The following GRID2 variants were observed in gnomAD, a reference collection of about 807,000 sequenced individuals.
GRID2 encodes the protein glutamate receptor ionotropic, delta-2.
GRID2 carries 33 observed loss-of-function variants against 114.8 expected under a neutral mutation model. The observed-to-expected ratio is 0.29, with a 90% CI of 0.22 to 0.38. The LOEUF (loss-of-function observed/expected upper bound fraction) is 0.38, where lower values mean the gene tolerates loss of function less well. Among genes scored for constraint, GRID2 ranks in the 10% least tolerant of loss-of-function variants. The pLI, the probability that GRID2 is intolerant of heterozygous loss-of-function variation, is 1.00. For synonymous variants in GRID2, 505 were observed against 449.9 expected, an observed-to-expected ratio of 1.12 and a Z score of -1.55; for missense variants, 1,184 against 1,257.7, an observed-to-expected ratio of 0.94 and a Z score of 0.89.
chr4:93,120,810 G>A (rs915128558), intron 4 of GRID2, among the ~76,000 whole-genome samples: 3 of 152,018 alleles, frequency 2.0e-5, no homozygotes, highest in African/African-American at 7.2e-5. Flanking sequence ...AAAATTAGCC[G>A]GGCATGGTGG....
chr4:93,462,545 A>G (rs972413640), intron 11 of GRID2, among the ~76,000 whole-genome samples: 6 of 152,210 alleles, frequency 3.9e-5, no homozygotes, highest in African/African-American at 1.4e-4. Context: ...GGAAGAAAAT[A>G]AAGAGTTCTT....
intron 11 of GRID2, among the ~76,000 whole-genome samples, chr4:93,457,927 G>A (rs1033151625): frequency 1.3e-4 from 20 of 150,918 alleles, no homozygotes; most frequent in African/African-American, 4.4e-4. Flanking sequence ...TTAGTGGTTT[G>A]ATATATTTGT....
chr4:92,964,217 T>A (rs1314268485), intron 2 of GRID2, among the ~76,000 whole-genome samples: 1 of 151,914 alleles, frequency 6.6e-6, no homozygotes, highest in African/African-American at 2.4e-5. Context: ...AACAAGAGAG[T>A]CAGTCTGTCC....
chr4:92,758,451 T>C (rs939198612), intron 2 of GRID2, among the ~76,000 whole-genome samples: 1 of 152,128 alleles, frequency 6.6e-6, no homozygotes, highest in Admixed American at 6.5e-5. Context: ...TGGGTCCTCA[T>C]AGTCTAGTGA....
intron 14 of GRID2, among the ~76,000 whole-genome samples, chr4:93,749,509 C>T (rs1732129891): frequency 6.6e-6 from 1 of 152,136 alleles, no homozygotes; most frequent in Non-Finnish European, 1.5e-5. Flanking sequence ...CAAACATATA[C>T]AGGAGGGAGA....
chr4:93,728,226 C>G (rs1210544746), intron 14 of GRID2, among the ~76,000 whole-genome samples: 1 of 151,976 alleles, frequency 6.6e-6, no homozygotes, highest in African/African-American at 2.4e-5. Flanking sequence ...TTTATTTCTG[C>G]CTTCGTTTCA....
At chr4:92,624,697 A>C (rs1180187009) in intron 2 of GRID2, among the ~76,000 whole-genome samples, 1 of 151,774 alleles carries the variant, frequency 6.6e-6, no homozygotes, top group Admixed American at 6.6e-5. Context: ...TCTTCAACCA[A>C]AGGAAAAAAA....
intron 2 of GRID2, among the ~76,000 whole-genome samples, chr4:93,076,150 A>G (rs1729273931): frequency 1.3e-5 from 2 of 151,962 alleles, no homozygotes; most frequent in South Asian, 2.1e-4. Flanking sequence ...AGCCTGCCTC[A>G]GCCTCCCAAA....
At chr4:92,360,766 A>G (rs1273044613) in intron 1 of GRID2, among the ~76,000 whole-genome samples, 2 of 151,698 alleles carry the variant, frequency 1.3e-5, no homozygotes, top group Non-Finnish European at 2.9e-5. Context: ...CTAGGGAATC[A>G]TCAGGTCTTT....
intron 2 of GRID2, among the ~76,000 whole-genome samples, chr4:93,006,909 C>T (rs1721596292): frequency 6.6e-6 from 1 of 150,792 alleles, no homozygotes. Flanking sequence ...AAACAGCAAC[C>T]AAGAAACAAC....
chr4:92,874,772 A>G (rs1745505676), intron 2 of GRID2, among the ~76,000 whole-genome samples: 1 of 152,236 alleles, frequency 6.6e-6, no homozygotes, highest in South Asian at 2.1e-4. Context: ...TAAAAAATCT[A>G]ATTAAAATTG....
intron 14 of GRID2, among the ~76,000 whole-genome samples, chr4:93,749,827 GT>G (rs1365530939): frequency 6.6e-6 from 1 of 152,128 alleles, no homozygotes; most frequent in Non-Finnish European, 1.5e-5. Flanking sequence ...GTCTTTGGTT[GT>G]TTAAGCTAAC....
intron 3 of GRID2, among the ~76,000 whole-genome samples, chr4:93,095,007 G>A (rs541256280): frequency 9.2e-5 from 14 of 151,752 alleles, no homozygotes; most frequent in Middle Eastern, 3.4e-3. Flanking sequence ...TAAACACAAA[G>A]TGTAAGAAAA....
intron 10 of GRID2, among the ~76,000 whole-genome samples, chr4:93,430,578 T>A (rs1382257571): frequency 6.6e-6 from 1 of 152,214 alleles, no homozygotes; most frequent in Non-Finnish European, 1.5e-5. Flanking sequence ...GACATAGACA[T>A]TGATCATGAA....
In GRID2 at chr4:93,110,785, T is replaced by A. The variant is rs748388546; in HGVS notation, c.567T>A (p.Ser189=). The change falls in exon 4 of 16, where the codon TCT becomes TCA. Residue 189 remains serine (S), a synonymous_variant. Coordinates refer to ENST00000282020, the MANE Select transcript of GRID2 (RefSeq NM_001510.4). ...RGIQEFLDKV[S]QQGMDVALQK... ...TACAGGAGTTCTTGGACAAAGTCTC[T>A]CAGCAGGGAATGGATGTTGCACTTC... 6.2e-7 allele frequency: 1 copy of A among 1,613,226 alleles called. No individual in the cohort carries two copies.
chr4:93,163,388 A>ACAC (rs1320845062), intron 4 of GRID2, among the ~76,000 whole-genome samples: 1,467 of 45,950 alleles, frequency 0.032, 83 homozygotes, highest in African/African-American at 0.11. Context: ...ATATATATAT[A>ACAC]TATATATATA....
chr4:92,908,765 A>G (rs1385189773), intron 2 of GRID2, among the ~76,000 whole-genome samples: 1 of 152,172 alleles, frequency 6.6e-6, no homozygotes, highest in Non-Finnish European at 1.5e-5. Flanking sequence ...AAAACCTGTA[A>G]TATTTATGAA....
chr4:92,809,025 A>G (rs1740546453), intron 2 of GRID2, among the ~76,000 whole-genome samples: 1 of 151,940 alleles, frequency 6.6e-6, no homozygotes, highest in Non-Finnish European at 1.5e-5. Flanking sequence ...ATATTTTCAC[A>G]TAGTATAATT....
intron 2 of GRID2, among the ~76,000 whole-genome samples, chr4:93,037,681 A>C (rs1450212890): frequency 6.6e-6 from 1 of 152,086 alleles, no homozygotes; most frequent in Non-Finnish European, 1.5e-5. Context: ...TACCAACATC[A>C]TTTATTAAAT....
Sources: allele counts gnomAD v4.1 joint callset (sites outside exome capture counted in the v4.1 genomes callset), GRCh38; gene constraint gnomAD v4.1.1; transcripts MANE v1.5; gene names NCBI Gene and HGNC (gene_info 2026-07-23, HGNC 2026-07-21).